Variants in SORBS2 observed in about 807,000 individuals in gnomAD.
SORBS2 encodes sorbin and SH3 domain containing 2.
Under a neutral mutation model 97.7 loss-of-function variants are expected in SORBS2, and 46 were observed. That is an observed-to-expected ratio of 0.47 (90% CI 0.37 to 0.60). SORBS2 has a LOEUF of 0.60. Ranked by LOEUF, SORBS2 falls within the 20% of genes least tolerant of loss-of-function variation. The pLI is 0.00. For missense variants in SORBS2, 1,316 were observed against 1,282.3 expected, an observed-to-expected ratio of 1.03 and a Z score of -0.40; for synonymous variants, 476 against 473.4, an observed-to-expected ratio of 1.01 and a Z score of -0.07.
chr4:185,849,253 G>A (rs907482734), intron 1 of SORBS2, among the ~76,000 whole-genome samples: 3 of 152,112 alleles, frequency 2.0e-5, no homozygotes, highest in Admixed American at 6.5e-5. Context: ...CCATTCTAGA[G>A]AGCAGACACT....
chr4:185,899,969 A>T (rs1196954558), intron 1 of SORBS2, among the ~76,000 whole-genome samples: 1 of 152,064 alleles, frequency 6.6e-6, no homozygotes, highest in Admixed American at 6.5e-5. Flanking sequence ...AAAGGAGGAG[A>T]CAGCTGCACA....
intron 4 of SORBS2, chr4:185,677,762 T>A (rs1306007963): frequency 3.6e-6 from 2 of 555,486 alleles, no homozygotes; most frequent in Non-Finnish European, 6.0e-6. Context: ...ATGCCACACC[T>A]TCTGATTATG....
chr4:185,881,564 G>T (rs1157280502), intron 1 of SORBS2, among the ~76,000 whole-genome samples: 1 of 152,138 alleles, frequency 6.6e-6, no homozygotes, highest in Non-Finnish European at 1.5e-5. Flanking sequence ...AATCTCTAGA[G>T]AATTCAGGGA....
chr4:185,591,178 A>C (rs756556917), intron 13 of SORBS2, among the ~76,000 whole-genome samples: 1 of 152,152 alleles, frequency 6.6e-6, no homozygotes, highest in Non-Finnish European at 1.5e-5. Context: ...GGGGAGCTGG[A>C]TAGAGTTGGC....
chr4:185,928,646 T>C (rs34194389), intron 1 of SORBS2, among the ~76,000 whole-genome samples: 47,383 of 151,832 alleles, frequency 0.31, 8,280 homozygotes, highest in East Asian at 0.53. Context: ...CCTGGGTTCA[T>C]GCCATTCTCC....
chr4:185,855,393 G>A (rs2099220202), intron 1 of SORBS2, among the ~76,000 whole-genome samples: 1 of 152,084 alleles, frequency 6.6e-6, no homozygotes, highest in Non-Finnish European at 1.5e-5. Flanking sequence ...CAATGTTTAT[G>A]AGTGTACCTC....
At chr4:185,616,664 G>T (rs114840040) in intron 9 of SORBS2, among the ~76,000 whole-genome samples, 73 of 152,286 alleles carry the variant, frequency 4.8e-4, no homozygotes, top group Non-Finnish European at 9.9e-4. Context: ...ACACAGGAAA[G>T]TCTTACTCTT....
chr4:185,677,754 G>A, intron 4 of SORBS2: 1 of 627,154 alleles, frequency 1.6e-6, no homozygotes, highest in Non-Finnish European at 2.5e-6. Flanking sequence ...GTAAAGCAAT[G>A]CCACACCTTC....
intron 2 of SORBS2, among the ~76,000 whole-genome samples, chr4:185,650,123 G>A (rs1046751868): frequency 2.6e-5 from 4 of 152,196 alleles, no homozygotes; most frequent in Non-Finnish European, 5.9e-5. Flanking sequence ...ATTGCACACA[G>A]TTGTGTTTAT....
At chr4:185,626,513 A>G (rs2096817378) in intron 6 of SORBS2, among the ~76,000 whole-genome samples, 1 of 152,228 alleles carries the variant, frequency 6.6e-6, no homozygotes, top group South Asian at 2.1e-4. Flanking sequence ...AATTTTGACT[A>G]TATGTCAATG....
chr4:185,729,566 A>G (rs2098597494), intron 2 of SORBS2, among the ~76,000 whole-genome samples: 1 of 152,236 alleles, frequency 6.6e-6, no homozygotes, highest in Non-Finnish European at 1.5e-5. Flanking sequence ...TTAGTTCCAG[A>G]AAATCATCCA....
At chr4:185,719,973 G>A (rs1396532358) in intron 2 of SORBS2, among the ~76,000 whole-genome samples, 2 of 152,230 alleles carry the variant, frequency 1.3e-5, no homozygotes, top group Non-Finnish European at 2.9e-5. Context: ...GGTGTGAGAG[G>A]AAATGCTGTG....
At chr4:185,703,951 A>C (rs1452930910) in intron 2 of SORBS2, among the ~76,000 whole-genome samples, 2 of 152,356 alleles carry the variant, frequency 1.3e-5, no homozygotes, top group East Asian at 3.9e-4. Flanking sequence ...AGGTCAAGGC[A>C]ATAACACCTA....
chr4:185,733,633 A>G (rs1362185676), intron 2 of SORBS2, among the ~76,000 whole-genome samples: 1 of 152,194 alleles, frequency 6.6e-6, no homozygotes, highest in Non-Finnish European at 1.5e-5. Context: ...GGTAGACACT[A>G]CATGGGAAGG....
chr4:185,650,328 C>T (rs1241567887), intron 2 of SORBS2, among the ~76,000 whole-genome samples: 8 of 152,076 alleles, frequency 5.3e-5, no homozygotes, highest in African/African-American at 1.9e-4. Flanking sequence ...TTATGGAACC[C>T]ACGAGTCCAG....
chr4:185,852,673 C>G (rs1217052979), intron 1 of SORBS2, among the ~76,000 whole-genome samples: 2 of 152,140 alleles, frequency 1.3e-5, no homozygotes, highest in African/African-American at 2.4e-5. Context: ...CAAATTCTAG[C>G]CTCTGCGGTA....
At chr4:185,715,312 T>C (rs2098456816) in intron 2 of SORBS2, among the ~76,000 whole-genome samples, 1 of 152,202 alleles carries the variant, frequency 6.6e-6, no homozygotes, top group African/African-American at 2.4e-5. Context: ...TATTTTGATA[T>C]TAATTTAGTC....
intron 1 of SORBS2, among the ~76,000 whole-genome samples, chr4:185,923,813 T>TA (rs911442514): frequency 3.3e-5 from 5 of 151,610 alleles, no homozygotes; most frequent in Non-Finnish European, 5.9e-5. Flanking sequence ...TTCTTACATT[T>TA]AAAAAAAAAT....
chr4:185,603,261 A>T (rs1242707196), intron 12 of SORBS2, among the ~76,000 whole-genome samples: 1 of 152,174 alleles, frequency 6.6e-6, no homozygotes, highest in Non-Finnish European at 1.5e-5. Flanking sequence ...AAAAAAAGAC[A>T]AGAAATAAAT....
Sources: allele counts gnomAD v4.1 joint callset (sites outside exome capture counted in the v4.1 genomes callset), GRCh38; gene constraint gnomAD v4.1.1; transcripts MANE v1.5; gene names NCBI Gene and HGNC (gene_info 2026-07-23, HGNC 2026-07-21).